Variants in PTK2B observed in about 807,000 individuals in gnomAD.
PTK2B encodes the protein protein tyrosine kinase 2 beta.
A neutral mutation model predicts 142.9 loss-of-function variants in PTK2B; 71 were observed. The observed-to-expected ratio is 0.50, with a 90% CI of 0.41 to 0.61. The LOEUF is 0.61. Among genes scored for constraint, PTK2B ranks in the 20% least tolerant of loss-of-function variants. The probability of loss-of-function intolerance (pLI) is 0.00; values close to 1 mark genes in which losing one functional copy is unlikely to be tolerated. For missense variants in PTK2B, 1,105 were observed against 1,320.4 expected, an observed-to-expected ratio of 0.84 and a Z score of 2.53; for synonymous variants, 519 against 503.4, an observed-to-expected ratio of 1.03 and a Z score of -0.42.
intron 1 of PTK2B, among the ~76,000 whole-genome samples, chr8:27,349,383 A>G (rs1271545717): frequency 6.6e-6 from 1 of 152,238 alleles, no homozygotes; most frequent in Non-Finnish European, 1.5e-5. Context: ...AGAACCCCGT[A>G]ATAAACCACA....
chr8:27,333,037 G>T (rs1803853437), intron 1 of PTK2B, among the ~76,000 whole-genome samples: 2 of 152,212 alleles, frequency 1.3e-5, no homozygotes, highest in East Asian at 3.8e-4. Flanking sequence ...GAGATTGCAG[G>T]GCAGAGATTC....
At position 27,430,279 on chromosome 8, in the gene PTK2B, C is replaced by T; in HGVS notation, c.615-85C>T. On this transcript the variant is annotated intron_variant, in intron 6 of 30. Coordinates refer to ENST00000346049, the MANE Select transcript of PTK2B (RefSeq NM_173176.3). ...ATAGGGCCGTCTCTAGGTCCCAAAG[C>T]CCTCTCACCTCTTCCTGATTGGCCC... is the stretch of plus-strand genomic sequence containing the variant. 11 of 1,595,208 alleles carry T rather than the reference C, an allele frequency of 6.9e-6. No individual in the cohort carries two copies. In the South Asian group the frequency reaches 1.1e-4, roughly 16 times the overall value.
intron 1 of PTK2B, among the ~76,000 whole-genome samples, chr8:27,382,963 G>A (rs560920097): frequency 6.6e-6 from 1 of 152,232 alleles, no homozygotes; most frequent in Admixed American, 6.5e-5. Context: ...TAGCTTTGTA[G>A]TATTTTTGAA....
intron 2 of PTK2B, among the ~76,000 whole-genome samples, chr8:27,403,209 A>G (rs1467452611): frequency 3.9e-5 from 6 of 152,148 alleles, no homozygotes; most frequent in Non-Finnish European, 7.4e-5. Context: ...AGCCCTTTCA[A>G]ATTTGCCAAG....
At chr8:27,404,051 C>G in intron 2 of PTK2B, among the ~76,000 whole-genome samples, 1 of 151,612 alleles carries the variant, frequency 6.6e-6, no homozygotes, top group African/African-American at 2.4e-5. Context: ...AGTTTCTATA[C>G]ATTGCCCAGG....
At chr8:27,344,688 C>G (rs559988609) in intron 1 of PTK2B, among the ~76,000 whole-genome samples, 3 of 152,254 alleles carry the variant, frequency 2.0e-5, no homozygotes, top group East Asian at 1.9e-4. Flanking sequence ...CTGGGGCTAT[C>G]TTGGTCTGTC....
chr8:27,372,220 G>A (rs138307586), intron 1 of PTK2B, among the ~76,000 whole-genome samples: 1 of 152,152 alleles, frequency 6.6e-6, no homozygotes, highest in East Asian at 1.9e-4. Flanking sequence ...TTAATTAAAG[G>A]GAGTGTATTA....
intron 2 of PTK2B, among the ~76,000 whole-genome samples, chr8:27,398,032 G>C (rs17057100): frequency 2.6e-5 from 4 of 152,204 alleles, no homozygotes; most frequent in East Asian, 1.9e-4. Flanking sequence ...CAGATAATTT[G>C]TTTGGCCTCT....
chr8:27,398,228 T>G lies in PTK2B; in HGVS notation c.204+440T>G, dbSNP rs374987048. ...GTGCTGAGCATGTACAGGAAGGCAC[T>G]GGTGGGGCACTTAGAGGATGACAAT... On this transcript the variant is annotated intron_variant, in intron 2 of 30. Transcript: ENST00000346049. Among the ~76,000 whole-genome samples the G allele has an allele frequency of 1.2e-4, 19 of 152,348 alleles. No individual in the cohort carries two copies. The East Asian group carries it at 3.7e-3, about 29-fold the overall frequency.
chr8:27,386,199 C>CTCT, intron 1 of PTK2B, among the ~76,000 whole-genome samples: 1 of 151,952 alleles, frequency 6.6e-6, no homozygotes. Context: ...GCTAGTGCTC[C>CTCT]GACTTCCCCC....
At chr8:27,336,620 C>T (rs1373951874) in intron 1 of PTK2B, among the ~76,000 whole-genome samples, 1 of 152,224 alleles carries the variant, frequency 6.6e-6, no homozygotes, top group Non-Finnish European at 1.5e-5. Context: ...TTTTCAATCA[C>T]ATGCTAATAA....
Position 27,422,511 on chromosome 8 carries a change from C to T in PTK2B, c.551+128C>T, listed in dbSNP as rs570052511. 13 of 888,576 alleles carry T rather than the reference C, an allele frequency of 1.5e-5. No individual in the cohort carries two copies. The South Asian group carries it at 2.0e-4, about 14-fold the overall frequency. The allele number at this position is 888,576 out of a possible 1,614,324, so 55.0% of individuals were successfully genotyped here. On this transcript the variant is annotated intron_variant, in intron 5 of 30. Coordinates refer to ENST00000346049, the MANE Select transcript of PTK2B (RefSeq NM_173176.3). Reference sequence around the variant, plus strand: ...GAGCCAGGAAGGGGAGAGGTGGTGACCGGCAGCAGGTGAGGCTCTGAGGGG... The same window carrying T: ...GAGCCAGGAAGGGGAGAGGTGGTGATCGGCAGCAGGTGAGGCTCTGAGGGG...
At chr8:27,340,235 C>T (rs1184502363) in intron 1 of PTK2B, among the ~76,000 whole-genome samples, 1 of 152,186 alleles carries the variant, frequency 6.6e-6, no homozygotes, top group Non-Finnish European at 1.5e-5. Flanking sequence ...TTCTGCATGA[C>T]AGTGGAGCAG....
In PTK2B at chr8:27,437,417, A is replaced by C; in HGVS notation, c.1448A>C (p.His483Pro). The C allele has an allele frequency of 6.2e-7, 1 of 1,612,740 alleles. No homozygotes were observed. The highest frequency in any genetic ancestry group is 8.5e-7 in the Non-Finnish European group (1 of 1,179,420). Residue 483 changes from histidine (H) to proline (P), a missense_variant, in exon 17 of 31, where the codon CAC becomes CCC. Physicochemically the swap from His to Pro is moderately conservative, Grantham distance 77 (BLOSUM62 -2). Transcript: ENST00000346049. ...GCAGTGATCATGAAGAACCTCGACC[A>C]CCCGCACATCGTGAAGCTGATCGGC... ...SEAVIMKNLD[H>P]PHIVKLIGII...
In PTK2B at chr8:27,458,445, A is replaced by T; in HGVS notation, c.2966A>T (p.Asn989Ile). The stretch of plus-strand genomic sequence containing the variant: ...CACACCCTGGCTGTGGACGCCAAGA[A>T]CCTGCTCGACGCTGTGGACCAGGCC... The part of the protein sequence containing the change: ...ASHTLAVDAK[N>I]LLDAVDQAKV... The change falls in exon 31 of 31, where the codon AAC (asparagine) becomes ATC (isoleucine). Residue 989 changes from asparagine (N) to isoleucine (I), a missense_variant. Coordinates refer to ENST00000346049, the MANE Select transcript of PTK2B (RefSeq NM_173176.3). The T allele has an allele frequency of 1.2e-6, 2 of 1,606,774 alleles. No homozygotes were observed. The highest frequency in any genetic ancestry group is 1.7e-6 in the Non-Finnish European group (2 of 1,176,628).
intron 2 of PTK2B, among the ~76,000 whole-genome samples, chr8:27,418,194 T>C (rs1809518755): frequency 6.6e-6 from 1 of 152,166 alleles, no homozygotes; most frequent in Admixed American, 6.5e-5. Flanking sequence ...GCATTTTCTT[T>C]CCTAATGGGG....
chr8:27,310,754 G>C (rs573009351), upstream of PTK2B: 1 of 1,528,726 alleles, frequency 6.5e-7, no homozygotes, highest in Non-Finnish European at 8.8e-7. Flanking sequence ...AAGGGATTCC[G>C]GGTTCCAGAC....
chr8:27,405,551 G>A (rs897739301), intron 2 of PTK2B, among the ~76,000 whole-genome samples: 6 of 152,152 alleles, frequency 3.9e-5, no homozygotes, highest in Admixed American at 6.5e-5. Flanking sequence ...ACCCAGTGCC[G>A]CAGTATTTAA....
At chr8:27,449,174 G>A (rs1693691360) in intron 24 of PTK2B, among the ~76,000 whole-genome samples, 2 of 152,196 alleles carry the variant, frequency 1.3e-5, no homozygotes, top group South Asian at 4.1e-4. Context: ...GGTCTGACTA[G>A]TATTTACTTA....
Sources: gnomAD v4.1 joint callset for allele counts (sites outside exome capture counted in the v4.1 genomes callset) on GRCh38, gnomAD v4.1.1 for gene constraint, MANE v1.5 for transcripts, NCBI Gene and HGNC (gene_info 2026-07-23, HGNC 2026-07-21) for gene names.